The following MAFG variants were observed in gnomAD, a reference collection of about 807,000 sequenced individuals.
MAFG encodes transcription factor MafG.
Under a neutral mutation model 12.2 loss-of-function variants are expected in MAFG, and 3 were observed. The observed-to-expected ratio is 0.25, with a 90% confidence interval of 0.11 to 0.64. MAFG has a LOEUF of 0.64. Among genes scored for constraint, MAFG ranks in the 30% least tolerant of loss-of-function variants. The probability of loss-of-function intolerance (pLI) is 0.85; values close to 1 mark genes in which losing one functional copy is unlikely to be tolerated. For missense variants in MAFG, 153 were observed against 235.5 expected (o/e 0.65, Z 2.29); for synonymous variants, 126 against 109.1 (o/e 1.15, Z -0.96).
At chr17:81,927,862 A>G (rs924933549), upstream of MAFG, 1 of 152,090 alleles carries the variant, frequency 6.6e-6, no homozygotes, top group African/African-American at 2.4e-5. Context: ...CCCTGGCAAC[A>G]CTGGCTGCTC....
upstream of MAFG, chr17:81,930,641 G>A (rs941925329): frequency 1.3e-5 from 2 of 152,206 alleles, no homozygotes; most frequent in Non-Finnish European, 2.9e-5. The surrounding 1 kb of genome is among the most constrained non-coding windows in gnomAD (Gnocchi z 4.1). Flanking sequence ...TCCAGCCTGG[G>A]CGACAGAGAA....
In MAFG at chr17:81,926,037, C is replaced by T. The variant is rs1011214521; in HGVS notation, c.-30+1491G>A. 2.4e-5 allele frequency among the ~76,000 whole-genome samples: 2 copies of T among 83,342 alleles called. No individual in the cohort carries two copies. The highest frequency in any genetic ancestry group is 1.3e-4 in the Admixed American group (1 of 7,420). 54.7% of individuals were successfully genotyped at this position (83,342 alleles called of 152,430 possible). A position where few individuals can be genotyped will look rare whatever the true frequency, so the allele number is the denominator to read the frequency against. On this transcript the variant is annotated intron_variant, in intron 1 of 2. Coordinates refer to ENST00000357736, the MANE Select transcript of MAFG (RefSeq NM_002359.4). This position sits in a 1 kb window ranked among gnomAD's most constrained non-coding sequence, Gnocchi z 4.6. The stretch of plus-strand genomic sequence containing the variant: ...GTGTGTGTGTGTGTGTGGCGGGGGG[C>T]GGGGGGCATCCCTGAGGGCAAACCA...
chr17:81,927,254 C>A (rs1361079431), intron 1 of MAFG, among the ~76,000 whole-genome samples: 1 of 151,676 alleles, frequency 6.6e-6, no homozygotes, highest in Non-Finnish European at 1.5e-5. Context: ...GTCCGCTCCG[C>A]ACTCGCCCGG....
rs1260770269 is a variant in MAFG at position 81,921,914 on chromosome 17, TCATGTAAA to T, written c.*683_*690del. 1 of 152,126 alleles carries T rather than the reference TCATGTAAA, an allele frequency of 6.6e-6. No homozygotes were observed. The highest frequency in any genetic ancestry group is 2.4e-5 in the African/African-American group (1 of 41,420). 9.4% of individuals were successfully genotyped at this position (152,126 alleles called of 1,614,324 possible). A position where few individuals can be genotyped will look rare whatever the true frequency, so the allele number is the denominator to read the frequency against. ...AGGGCTATATAACCACACAAATAGG[TCATGTAAA>T]CAGTGACACGGGACCCATCGCAGGG... On this transcript the variant is annotated 3_prime_UTR_variant, in exon 3 of 3. Transcript: ENST00000357736.
intron 1 of MAFG, among the ~76,000 whole-genome samples, chr17:81,925,833 C>A (rs1199301349): frequency 8.1e-5 from 12 of 148,184 alleles, no homozygotes; most frequent in Non-Finnish European, 1.6e-4. Flanking sequence ...AAAAGATGTA[C>A]ATAAATGTCC....
At chr17:81,929,208 G>T (rs1257563196), upstream of MAFG, among the ~76,000 whole-genome samples, 1 of 152,178 alleles carries the variant, frequency 6.6e-6, no homozygotes, top group African/African-American at 2.4e-5. This position sits in a 1 kb window ranked among gnomAD's most constrained non-coding sequence, Gnocchi z 5.7. Context: ...TCCTCACTGC[G>T]GTGCTGTCTT....
intron 1 of MAFG, among the ~76,000 whole-genome samples, chr17:81,925,068 G>C (rs957382871): frequency 1.3e-5 from 2 of 152,210 alleles, no homozygotes; most frequent in African/African-American, 2.4e-5. Flanking sequence ...TGCGTTCCAG[G>C]CTCCTGGCCT....
At chr17:81,923,262 A>ACCT (rs1567914852) in intron 1 of MAFG, 48 bp from the exon 2 acceptor site, 24 of 362,730 alleles carry the variant, frequency 6.6e-5, no homozygotes, top group Non-Finnish European at 9.1e-5. Context: ...CCCTCGCCGC[A>ACCT]CCCCCCCCCC....
rs2040942017 is a variant in MAFG at position 81,926,635 on chromosome 17, C to T, written c.-30+893G>A. Among the ~76,000 whole-genome samples the T allele has an allele frequency of 6.6e-6, 1 of 152,184 alleles. No individual in the cohort carries two copies. The highest frequency in any genetic ancestry group is 2.1e-4 in the South Asian group (1 of 4,832). On this transcript the variant is annotated intron_variant, in intron 1 of 2. Coordinates refer to ENST00000357736, the MANE Select transcript of MAFG (RefSeq NM_002359.4). This position sits in a 1 kb window ranked among gnomAD's most constrained non-coding sequence, Gnocchi z 4.6. ...CTCCTCCCCTCCCTCACTCAGGGAA[C>T]TATTTCCCAGTTTGGAAAACTGCTC...
At chr17:81,927,253 G>A (rs1225795328) in intron 1 of MAFG, among the ~76,000 whole-genome samples, 1 of 151,630 alleles carries the variant, frequency 6.6e-6, no homozygotes, top group Non-Finnish European at 1.5e-5. Flanking sequence ...AGTCCGCTCC[G>A]CACTCGCCCG....
At chr17:81,923,270 C>CCA (rs1555620262) in intron 1 of MAFG, 56 bp from the exon 2 acceptor site, 6 of 957,894 alleles carry the variant, frequency 6.3e-6, no homozygotes, top group South Asian at 5.8e-5. Flanking sequence ...GCACCCCCCC[C>CCA]CCCCCGCCCC....
upstream of MAFG, chr17:81,929,662 G>A (rs1378484752): frequency 6.6e-6 from 1 of 152,536 alleles, no homozygotes; most frequent in Non-Finnish European, 1.5e-5. This position sits in a 1 kb window ranked among gnomAD's most constrained non-coding sequence, Gnocchi z 5.7. Flanking sequence ...CTACTGTACT[G>A]AGAGGGATAC....
intron 1 of MAFG, among the ~76,000 whole-genome samples, chr17:81,925,607 G>C (rs937730888): frequency 2.2e-4 from 33 of 152,110 alleles, no homozygotes; most frequent in Non-Finnish European, 2.9e-4. Flanking sequence ...AGGAGATCGA[G>C]ACCATCCTGG....
rs545575795 is a variant in MAFG, at chr17:81,926,322, C to T, written c.-30+1206G>A. ...GTTCTGCCACCCTGTGCCATCCACACCAGCCCATCTGCTGCACCCCAAGGC... is the reference window on the plus strand; with the variant it reads ...GTTCTGCCACCCTGTGCCATCCACATCAGCCCATCTGCTGCACCCCAAGGC... On this transcript the variant is annotated intron_variant, in intron 1 of 2. Coordinates refer to ENST00000357736, the MANE Select transcript of MAFG (RefSeq NM_002359.4). This position sits in a 1 kb window ranked among gnomAD's most constrained non-coding sequence, Gnocchi z 4.6. Among the ~76,000 whole-genome samples, 1 of 152,284 alleles carries T rather than the reference C, an allele frequency of 6.6e-6. No individual in the cohort carries two copies. Among genetic ancestry groups the T allele is most frequent in the South Asian group, 2.1e-4 (1 of 4,830 alleles).
At chr17:81,925,403 CCGA>C (rs2040931369) in intron 1 of MAFG, among the ~76,000 whole-genome samples, 1 of 152,266 alleles carries the variant, frequency 6.6e-6, no homozygotes, top group Admixed American at 6.5e-5. Context: ...AGCCCAGCGG[CCGA>C]AACTCCCCGG....
At position 81,922,818 on chromosome 17, in the gene MAFG, C is replaced by T; in HGVS notation, c.276G>A (p.Lys92=). The change falls in exon 3 of 3, where the codon AAG becomes AAA. Residue 92 remains lysine, a synonymous_variant. Coordinates refer to ENST00000357736, the MANE Select transcript of MAFG (RefSeq NM_002359.4). ...TCATGCTGGCGTTCTCTGAGGCCAGCTTCTCCACCTCCTGCTGCAGCTCCG... is the reference window on the plus strand; with the variant it reads ...TCATGCTGGCGTTCTCTGAGGCCAGTTTCTCCACCTCCTGCTGCAGCTCCG... ...QKAELQQEVE[K]LASENASMKL... The T allele has an allele frequency of 6.2e-7, 1 of 1,608,128 alleles. No individual in the cohort carries two copies. Among genetic ancestry groups the T allele is most frequent in the South Asian group, 1.1e-5 (1 of 89,934 alleles).
At chr17:81,923,720 G>A (rs902789931) in intron 1 of MAFG, among the ~76,000 whole-genome samples, 1 of 152,038 alleles carries the variant, frequency 6.6e-6, no homozygotes, top group African/African-American at 2.4e-5. Flanking sequence ...GCCAATAGCA[G>A]GTGAGGGCCA....
upstream of MAFG, among the ~76,000 whole-genome samples, chr17:81,928,748 G>A (rs1440855349): frequency 6.6e-6 from 1 of 152,160 alleles, no homozygotes; most frequent in Non-Finnish European, 1.5e-5. The surrounding 1 kb of genome is among the most constrained non-coding windows in gnomAD (Gnocchi z 8.1). Context: ...CGTGGCTTCC[G>A]AGGCCTCAAC....
In MAFG at chr17:81,926,354, C is replaced by A. The variant is rs893928102; in HGVS notation, c.-30+1174G>T. ...ATCTGCTGCACCCCAAGGCTAGGCACCCTGAAGCTCCCACCACCTACAGTC... is the reference window on the plus strand; with the variant it reads ...ATCTGCTGCACCCCAAGGCTAGGCAACCTGAAGCTCCCACCACCTACAGTC... On this transcript the variant is annotated intron_variant, in intron 1 of 2. Coordinates refer to ENST00000357736, the MANE Select transcript of MAFG (RefSeq NM_002359.4). The surrounding 1 kb of genome is among the most constrained non-coding windows in gnomAD (Gnocchi z 4.6). 6.6e-6 allele frequency among the ~76,000 whole-genome samples: 1 copy of A among 152,150 alleles called. No individual in the cohort carries two copies. The highest frequency in any genetic ancestry group is 2.4e-5 in the African/African-American group (1 of 41,430).
Sources: allele counts gnomAD v4.1 joint callset (sites outside exome capture counted in the v4.1 genomes callset), GRCh38; gene constraint gnomAD v4.1.1; non-coding constraint Gnocchi (gnomAD v3.1); transcripts MANE v1.5; gene names NCBI Gene and HGNC (gene_info 2026-07-23, HGNC 2026-07-21).